BICC1: variants seen among roughly 807,000 people sequenced by gnomAD.
BICC1 encodes the protein protein bicaudal C homolog 1.
In BICC1, 43 loss-of-function variants were observed where a neutral mutation model predicts 111.0. The observed-to-expected ratio is 0.39, with a 90% CI of 0.30 to 0.50. The LOEUF (loss-of-function observed/expected upper bound fraction) is 0.50, where lower values mean the gene tolerates loss of function less well. Ranked by LOEUF, BICC1 falls within the 20% of genes least tolerant of loss-of-function variation. BICC1 has a pLI of 0.88. For missense variants in BICC1, 1,091 were observed against 1,203.2 expected, an observed-to-expected ratio of 0.91 and a Z score of 1.38; for synonymous variants, 467 against 434.4, an observed-to-expected ratio of 1.07 and a Z score of -0.93.
At position 58,756,450 on chromosome 10, in the gene BICC1, T is replaced by C. The variant is rs1007651822; in HGVS notation, c.308-28551T>C. Among the ~76,000 whole-genome samples the C allele has an allele frequency of 8.5e-5, 13 of 152,156 alleles. No individual in the cohort carries two copies. In the East Asian group the frequency reaches 2.5e-3, roughly 29 times the overall value. The stretch of plus-strand genomic sequence containing the variant: ...ATTAACATTTTGTTGATTTTTAAGC[T>C]TGCTCTTATATTTAGGACCAGTTTA... On this transcript the variant is annotated intron_variant, in intron 3 of 20. Coordinates refer to ENST00000373886, the MANE Select transcript of BICC1 (RefSeq NM_001080512.3).
intron 18 of BICC1, among the ~76,000 whole-genome samples, chr10:58,816,212 C>T (rs1179285148): frequency 6.6e-6 from 1 of 152,162 alleles, no homozygotes; most frequent in Admixed American, 6.5e-5. Flanking sequence ...TGGTCACTCA[C>T]CCCAATTTGC....
chr10:58,599,273 G>A (rs1844943151), intron 1 of BICC1, among the ~76,000 whole-genome samples: 1 of 152,136 alleles, frequency 6.6e-6, no homozygotes, highest in Non-Finnish European at 1.5e-5. Context: ...ATAATAGACT[G>A]GATAAAGAAA....
In BICC1 at chr10:58,513,128, G is replaced by A. The variant is rs1316634387; in HGVS notation, c.-16G>A. On this transcript the variant is annotated 5_prime_UTR_variant, in exon 1 of 21. Coordinates refer to ENST00000373886, the MANE Select transcript of BICC1 (RefSeq NM_001080512.3). ...AGCGGCGGCGGCAGCGGGAGCCCGA[G>A]CGCTGCGCGCCCACCATGGCCGCCC... 2.8e-5 allele frequency: 40 copies of A among 1,438,646 alleles called. No individual in the cohort carries two copies. The highest frequency in any genetic ancestry group is 3.5e-5 in the Non-Finnish European group (39 of 1,099,420). 89.1% of individuals were successfully genotyped at this position (1,438,646 alleles called of 1,614,324 possible).
chr10:58,531,300 C>G (rs949246633), intron 1 of BICC1, among the ~76,000 whole-genome samples: 1 of 151,688 alleles, frequency 6.6e-6, no homozygotes, highest in African/African-American at 2.4e-5. Flanking sequence ...CCAGAGGGTG[C>G]AAGAGACTGT....
intron 2 of BICC1, among the ~76,000 whole-genome samples, chr10:58,643,154 A>G (rs1041394746): frequency 6.6e-6 from 1 of 152,198 alleles, no homozygotes; most frequent in African/African-American, 2.4e-5. Flanking sequence ...CCTTCAGCTT[A>G]AAAACTGGGG....
At chr10:58,749,234 G>T (rs1841920211) in intron 3 of BICC1, among the ~76,000 whole-genome samples, 1 of 152,030 alleles carries the variant, frequency 6.6e-6, no homozygotes, top group Non-Finnish European at 1.5e-5. Flanking sequence ...CTGTTTAATT[G>T]ATCTAAACTT....
intron 3 of BICC1, among the ~76,000 whole-genome samples, chr10:58,749,873 G>C (rs1841937013): frequency 6.6e-6 from 1 of 151,958 alleles, no homozygotes; most frequent in Non-Finnish European, 1.5e-5. Flanking sequence ...AAAACCTAGA[G>C]TTAGTTACCA....
chr10:58,540,008 C>CA (rs1842920664), intron 1 of BICC1, among the ~76,000 whole-genome samples: 1 of 151,870 alleles, frequency 6.6e-6, no homozygotes, highest in Admixed American at 6.6e-5. Context: ...GGAAATTAAA[C>CA]AACACACTCT....
chr10:58,702,861 A>T (rs993310288), intron 3 of BICC1, among the ~76,000 whole-genome samples: 3 of 152,212 alleles, frequency 2.0e-5, no homozygotes, highest in Non-Finnish European at 2.9e-5. Context: ...GTAATGACAA[A>T]TACCATCAAA....
intron 2 of BICC1, among the ~76,000 whole-genome samples, chr10:58,661,335 G>C (rs770935228): frequency 6.6e-6 from 1 of 151,788 alleles, no homozygotes; most frequent in African/African-American, 2.4e-5. Flanking sequence ...TTTAGAAATG[G>C]CATTTTAAAG....
Position 58,702,124 on chromosome 10 carries a change from C to T in BICC1, c.288C>T (p.Ile96=), listed in dbSNP as rs541985017. 7.5e-5 allele frequency: 121 copies of T among 1,612,594 alleles called. 2 individuals are homozygous for T. Among genetic ancestry groups the T allele is most frequent in the South Asian group, 7.4e-4 (67 of 90,910 alleles). ...TTGCTTGGCCATCAAAACTGAAGAT[C>T]GGAGCCAAATCCAAGAAAGGTAAAT... is the stretch of plus-strand genomic sequence containing the variant. ...TQIAWPSKLK[I]GAKSKKDPHI... Residue 96 remains isoleucine, a synonymous_variant, in exon 3 of 21, where the codon ATC becomes ATT. Coordinates refer to ENST00000373886, the MANE Select transcript of BICC1 (RefSeq NM_001080512.3).
intron 2 of BICC1, among the ~76,000 whole-genome samples, chr10:58,683,830 T>C (rs1002167058): frequency 7.2e-5 from 11 of 152,120 alleles, no homozygotes; most frequent in East Asian, 1.9e-4. Flanking sequence ...ACAGGGACAA[T>C]TTGATTTCCT....
chr10:58,563,204 C>T (rs1288680778), intron 1 of BICC1, among the ~76,000 whole-genome samples: 1 of 152,106 alleles, frequency 6.6e-6, no homozygotes, highest in African/African-American at 2.4e-5. Context: ...GAAAGATGCA[C>T]TCTGGTAGTA....
At chr10:58,664,800 T>G (rs1838957668) in intron 2 of BICC1, among the ~76,000 whole-genome samples, 1 of 152,098 alleles carries the variant, frequency 6.6e-6, no homozygotes, top group Non-Finnish European at 1.5e-5. Context: ...CCCACAATGG[T>G]TACTTTTTTT....
At chr10:58,563,486 C>T (rs1843668753) in intron 1 of BICC1, among the ~76,000 whole-genome samples, 1 of 152,198 alleles carries the variant, frequency 6.6e-6, no homozygotes, top group South Asian at 2.1e-4. Flanking sequence ...CCAATCCTTG[C>T]TGGATGCTTT....
chr10:58,796,483 C>T lies in BICC1; in HGVS notation c.1323C>T (p.Ser441=). Residue 441 remains serine (S), a synonymous_variant, in exon 10 of 21, where the codon AGC becomes AGT. Coordinates refer to ENST00000373886, the MANE Select transcript of BICC1 (RefSeq NM_001080512.3). ...ASCPAGLACP[S]LDILASAGLG... is the part of the protein sequence containing the mutation. ...GCCCTGCCGGCCTGGCATGTCCCAG[C>T]CTGGATATCTTAGCTTCAGCAGGCC... The T allele has an allele frequency of 6.2e-7, 1 of 1,614,012 alleles. No homozygotes were observed. Among genetic ancestry groups the T allele is most frequent in the Non-Finnish European group, 8.5e-7 (1 of 1,179,964 alleles).
intron 3 of BICC1, among the ~76,000 whole-genome samples, chr10:58,740,040 A>G (rs1332511979): frequency 5.9e-5 from 9 of 152,130 alleles, no homozygotes; most frequent in African/African-American, 2.2e-4. Flanking sequence ...GATGATGTCT[A>G]GCTGGGTTTA....
At chr10:58,564,377 C>A (rs1361848831) in intron 1 of BICC1, among the ~76,000 whole-genome samples, 2 of 152,116 alleles carry the variant, frequency 1.3e-5, no homozygotes, top group Non-Finnish European at 1.5e-5. Context: ...AGGTGGCAGG[C>A]AGTTAATATT....
At chr10:58,827,152 C>T (rs1844423842) in intron 20 of BICC1, among the ~76,000 whole-genome samples, 1 of 152,122 alleles carries the variant, frequency 6.6e-6, no homozygotes, top group Non-Finnish European at 1.5e-5. Flanking sequence ...TCTAATTCAG[C>T]TTCTAGATCA....
Sources: allele counts gnomAD v4.1 joint callset (sites outside exome capture counted in the v4.1 genomes callset), GRCh38; gene constraint gnomAD v4.1.1; transcripts MANE v1.5; gene names NCBI Gene and HGNC (gene_info 2026-07-23, HGNC 2026-07-21).